GHR: variants seen among roughly 807,000 people sequenced by gnomAD.
The protein encoded by GHR is growth hormone receptor.
GHR carries 35 observed loss-of-function variants against 67.1 expected under a neutral mutation model. The ratio of observed to expected loss-of-function variants is 0.52; its 90% confidence interval spans 0.40 to 0.69. GHR has a LOEUF of 0.69. Ranked by LOEUF, GHR falls within the 30% of genes least tolerant of loss-of-function variation. GHR has a pLI of 0.00. For missense variants in GHR, 792 were observed against 764.6 expected (o/e 1.04, Z -0.42); for synonymous variants, 272 against 269.1 (o/e 1.01, Z -0.10).
intron 2 of GHR, among the ~76,000 whole-genome samples, chr5:42,590,435 C>A (rs993105970): frequency 4.6e-5 from 7 of 152,116 alleles, no homozygotes; most frequent in African/African-American, 1.7e-4. Context: ...TTATTTTCTT[C>A]CTTCCATTGC....
At chr5:42,605,321 G>T (rs1238564363) in intron 2 of GHR, among the ~76,000 whole-genome samples, 1 of 151,878 alleles carries the variant, frequency 6.6e-6, no homozygotes, top group Non-Finnish European at 1.5e-5. Context: ...GGTCAGGCTG[G>T]TGTCGAGCTC....
intron 1 of GHR, among the ~76,000 whole-genome samples, chr5:42,488,878 A>G (rs1048729168): frequency 4.6e-5 from 7 of 152,202 alleles, no homozygotes; most frequent in African/African-American, 7.2e-5. Flanking sequence ...ATAACCCTAT[A>G]AAGTAGACTA....
rs553889736 is a variant in GHR, at chr5:42,618,109, A to T, written c.71-10929A>T. ...ACAAAAAAAGGGCAAAGTTCAAAAA[A>T]CTAAGCATCAGGTAGCTACTTTTTA... is the stretch of plus-strand genomic sequence containing the variant. On this transcript the variant is annotated intron_variant, in intron 2 of 9. Transcript: ENST00000230882. Among the ~76,000 whole-genome samples, 263 of 152,250 alleles carry T rather than the reference A, an allele frequency of 1.7e-3. 1 individual carries two copies. Among genetic ancestry groups the T allele is most frequent in the African/African-American group, 6.1e-3 (254 of 41,564 alleles).
chr5:42,475,570 T>C (rs115773407), intron 1 of GHR, among the ~76,000 whole-genome samples: 1 of 151,886 alleles, frequency 6.6e-6, no homozygotes, highest in African/African-American at 2.4e-5. Flanking sequence ...CATGCGCATT[T>C]TGTATTTGTA....
intron 1 of GHR, among the ~76,000 whole-genome samples, chr5:42,433,263 A>G (rs978894851): frequency 1.2e-4 from 19 of 152,026 alleles, no homozygotes; most frequent in Admixed American, 3.9e-4. Context: ...TAGTGTTTTA[A>G]TTTATTTTTC....
intron 1 of GHR, among the ~76,000 whole-genome samples, chr5:42,425,825 T>A (rs963531935): frequency 3.9e-5 from 6 of 152,182 alleles, no homozygotes; most frequent in Non-Finnish European, 5.9e-5. Flanking sequence ...AGCTTTTTTT[T>A]ATTGGAGTAA....
intron 3 of GHR, among the ~76,000 whole-genome samples, chr5:42,660,172 T>TG (rs1755507294): frequency 6.6e-6 from 1 of 152,172 alleles, no homozygotes; most frequent in African/African-American, 2.4e-5. Flanking sequence ...ACTCCACCTC[T>TG]GGGGGCAGGG....
intron 2 of GHR, among the ~76,000 whole-genome samples, chr5:42,607,405 C>T (rs536502755): frequency 6.6e-6 from 1 of 152,202 alleles, no homozygotes; most frequent in South Asian, 2.1e-4. Context: ...AAGTGATGTG[C>T]CTGGGTGGTG....
At position 42,583,155 on chromosome 5, in the gene GHR, T is replaced by C. The variant is rs77063709; in HGVS notation, c.70+17211T>C. On this transcript the variant is annotated intron_variant, in intron 2 of 9. Transcript: ENST00000230882. ...GAAGAATCCTGCAACAGAATGATGC[T>C]CTGGAGTGTTTTCTGTGTTAGGTGT... is the stretch of plus-strand genomic sequence containing the variant. Among the ~76,000 whole-genome samples, 557 of 152,318 alleles carry C rather than the reference T, an allele frequency of 3.7e-3. 3 individuals are homozygous for C. The highest frequency in any genetic ancestry group is 6.8e-3 in the Non-Finnish European group (464 of 68,028).
chr5:42,581,977 G>T (rs1206908345), intron 2 of GHR, among the ~76,000 whole-genome samples: 1 of 152,254 alleles, frequency 6.6e-6, no homozygotes, highest in Non-Finnish European at 1.5e-5. Context: ...CAAAGTCATG[G>T]CCAAGCCTGG....
intron 2 of GHR, among the ~76,000 whole-genome samples, chr5:42,596,993 G>A (rs1399071360): frequency 6.6e-6 from 1 of 152,164 alleles, no homozygotes; most frequent in Non-Finnish European, 1.5e-5. Flanking sequence ...AGGATGTTTA[G>A]GAATGGCTGG....
chr5:42,704,589 C>G (rs760892695), intron 6 of GHR, among the ~76,000 whole-genome samples: 1 of 151,988 alleles, frequency 6.6e-6, no homozygotes, highest in Non-Finnish European at 1.5e-5. Context: ...GTAGTATCCC[C>G]TTTTCTTCCA....
At chr5:42,459,110 AACTCAAAGT>A (rs1418207941) in intron 1 of GHR, among the ~76,000 whole-genome samples, 1 of 152,212 alleles carries the variant, frequency 6.6e-6, no homozygotes, top group African/African-American at 2.4e-5. Context: ...TTTCTCAAAG[AACTCAAAGT>A]AGAATTACCA....
At chr5:42,645,500 A>G (rs1754685226) in intron 3 of GHR, among the ~76,000 whole-genome samples, 1 of 152,226 alleles carries the variant, frequency 6.6e-6, no homozygotes, top group African/African-American at 2.4e-5. Flanking sequence ...CCAAAGAGAG[A>G]GAGAGGAAAG....
At chr5:42,439,557 T>A (rs1026761777) in intron 1 of GHR, among the ~76,000 whole-genome samples, 1 of 152,192 alleles carries the variant, frequency 6.6e-6, no homozygotes, top group Admixed American at 6.5e-5. Flanking sequence ...CAAGAATTTG[T>A]ATAAGACTTT....
chr5:42,680,449 T>C (rs892846942), intron 3 of GHR, among the ~76,000 whole-genome samples: 1 of 152,162 alleles, frequency 6.6e-6, no homozygotes, highest in African/African-American at 2.4e-5. Context: ...TTCTTTTTTT[T>C]TCTTTTTTTT....
At chr5:42,584,568 T>C (rs1751371543) in intron 2 of GHR, among the ~76,000 whole-genome samples, 1 of 152,240 alleles carries the variant, frequency 6.6e-6, no homozygotes, top group South Asian at 2.1e-4. Flanking sequence ...CCCCACAGCA[T>C]TCTGCACAAT....
intron 3 of GHR, among the ~76,000 whole-genome samples, chr5:42,641,090 ATTGT>A (rs139460894): frequency 0.021 from 3,136 of 152,198 alleles, 36 homozygotes; most frequent in Middle Eastern, 0.044. Flanking sequence ...AAATGTACAC[ATTGT>A]TTGGCACTTG....
At chr5:42,482,982 G>A (rs1745719939) in intron 1 of GHR, among the ~76,000 whole-genome samples, 1 of 152,094 alleles carries the variant, frequency 6.6e-6, no homozygotes, top group Admixed American at 6.5e-5. Flanking sequence ...CTTATGCTAG[G>A]AGCTGTAGAC....
Sources: gnomAD v4.1 joint callset for allele counts (sites outside exome capture counted in the v4.1 genomes callset) on GRCh38, gnomAD v4.1.1 for gene constraint, MANE v1.5 for transcripts, NCBI Gene and HGNC (gene_info 2026-07-23, HGNC 2026-07-21) for gene names.